Variants in GTF2H5 observed in about 807,000 individuals in gnomAD.
GTF2H5 encodes the protein general transcription factor IIH subunit 5, also known as TFB5 ortholog.
A neutral mutation model predicts 7.1 loss-of-function variants in GTF2H5; 5 were observed. The ratio of observed to expected loss-of-function variants is 0.71; its 90% CI spans 0.37 to 1.49. The LOEUF (loss-of-function observed/expected upper bound fraction) is 1.49. Among genes scored for constraint, GTF2H5 ranks in the 40% most tolerant of loss-of-function variants. The pLI, the probability that GTF2H5 is intolerant of heterozygous loss-of-function variation, is 0.03. For synonymous variants in GTF2H5, 30 were observed against 31.7 expected (o/e 0.95, Z 0.18); for missense variants, 80 against 83.0 (o/e 0.96, Z 0.14).
Position 158,198,953 on chromosome 6 carries a change from G to A in GTF2H5, c.*6796G>A, listed in dbSNP as rs1214116012. 1.3e-5 allele frequency: 2 copies of A among 152,144 alleles called. No individual in the cohort carries two copies. Among genetic ancestry groups the A allele is most frequent in the Admixed American group, 6.5e-5 (1 of 15,282 alleles). The allele number at this position is 152,144 out of a possible 1,614,324, so 9.4% of individuals were successfully genotyped here. A position where few individuals can be genotyped will look rare whatever the true frequency, so the allele number is the denominator to read the frequency against. ...TTGCTTTGGGGAGAATTCTTTTGAC[G>A]TTTTTGAATAAGCTGTTAACAACTT... On this transcript the variant is annotated 3_prime_UTR_variant, in exon 3 of 3. Transcript: ENST00000607778.
At position 158,192,137 on chromosome 6, in the gene GTF2H5, T is replaced by A; in HGVS notation, c.196T>A (p.Phe66Ile). The part of the protein sequence containing the change: ...RVGELMDQNA[F>I]SLTQK ...GGGTGAATTAATGGACCAAAATGCT[T>A]TTTCCCTTACCCAGAAATGAAAATA... is the stretch of plus-strand genomic sequence containing the variant. Residue 66 changes from phenylalanine to isoleucine, a missense_variant, in exon 3 of 3, where the codon TTT becomes ATT. Coordinates refer to ENST00000607778, the MANE Select transcript of GTF2H5 (RefSeq NM_207118.3). 1 of 1,612,960 alleles carries A rather than the reference T, an allele frequency of 6.2e-7. No individual in the cohort carries two copies.
chr6:158,174,103 C>T (rs1317045411), intron 2 of GTF2H5, among the ~76,000 whole-genome samples: 2 of 152,058 alleles, frequency 1.3e-5, no homozygotes, highest in Admixed American at 6.6e-5. Context: ...ACTGTATCCT[C>T]GCTTATCGGT....
chr6:158,185,829 C>CA (rs1436041523), intron 2 of GTF2H5, among the ~76,000 whole-genome samples: 7 of 151,708 alleles, frequency 4.6e-5, no homozygotes, highest in African/African-American at 7.2e-5. Context: ...CCTATCTCTA[C>CA]AAAAAAATAC....
Position 158,175,146 on chromosome 6 carries a change from A to G in GTF2H5, c.35+4608A>G, listed in dbSNP as rs557089515. Among the ~76,000 whole-genome samples, 4 of 152,172 alleles carry G rather than the reference A, an allele frequency of 2.6e-5. No homozygotes were observed. In the East Asian group the frequency reaches 7.7e-4, roughly 29 times the overall value. ...GAATTGAGTCCAGGTTTGTGATCTC[A>G]GCCAAAATCCCAAATTTATTAATGT... On this transcript the variant is annotated intron_variant, in intron 2 of 2. Transcript: ENST00000607778.
chr6:158,189,017 G>A (rs1401766190), intron 2 of GTF2H5, among the ~76,000 whole-genome samples: 1 of 146,656 alleles, frequency 6.8e-6, no homozygotes, highest in Non-Finnish European at 1.5e-5. Context: ...GCAGCAGGAT[G>A]CCCTGTAGCC....
rs1225447959 is a variant in GTF2H5 at position 158,191,522 on chromosome 6, G to A, written c.36-455G>A. On this transcript the variant is annotated intron_variant, in intron 2 of 2. Transcript: ENST00000607778. ...TTTTGAGACAGAGTCTCGCTCTGTCGCCCAGGCTGGAGTGCAGTGGCACGA... is the reference window on the plus strand; with the variant it reads ...TTTTGAGACAGAGTCTCGCTCTGTCACCCAGGCTGGAGTGCAGTGGCACGA... 5.5e-5 allele frequency among the ~76,000 whole-genome samples: 8 copies of A among 145,936 alleles called. No individual in the cohort carries two copies. The East Asian group carries it at 1.4e-3, about 25-fold the overall frequency.
chr6:158,171,774 T>C (rs1785859666), intron 2 of GTF2H5, among the ~76,000 whole-genome samples: 3 of 152,082 alleles, frequency 2.0e-5, no homozygotes, highest in Admixed American at 2.0e-4. Context: ...GGTGAGGGGC[T>C]CAGGTTCTTG....
chr6:158,170,444 T>G, intron 1 of GTF2H5, 26 bp from the exon 2 acceptor site: 1 of 1,350,960 alleles, frequency 7.4e-7, no homozygotes, highest in Admixed American at 1.7e-5. Context: ...ATTTTTAATT[T>G]AATGTTACCT....
At chr6:158,188,279 C>T (rs1454778645) in intron 2 of GTF2H5, among the ~76,000 whole-genome samples, 2 of 152,124 alleles carry the variant, frequency 1.3e-5, no homozygotes, top group Non-Finnish European at 2.9e-5. Flanking sequence ...TGTTGAATTA[C>T]TCTCCTTTTA....
At chr6:158,190,617 C>A in intron 2 of GTF2H5, 1 of 476,670 alleles carries the variant, frequency 2.1e-6, no homozygotes, top group Non-Finnish European at 4.2e-6. Flanking sequence ...TCATACTCAT[C>A]TAGGGATAGA....
rs1343538152 is a variant in GTF2H5, at chr6:158,198,328, T to C, written c.*6171T>C. ...GAAACCATTTTTATCTTTGCCTTCA[T>C]TCTTGAATGATAATTAGTCTCGAAT... On this transcript the variant is annotated 3_prime_UTR_variant, in exon 3 of 3. Coordinates refer to ENST00000607778, the MANE Select transcript of GTF2H5 (RefSeq NM_207118.3). 6.6e-6 allele frequency: 1 copy of C among 152,248 alleles called. No homozygotes were observed. Among genetic ancestry groups the C allele is most frequent in the East Asian group, 1.9e-4 (1 of 5,208 alleles). The allele number at this position is 152,248 out of a possible 1,614,324, so 9.4% of individuals were successfully genotyped here. A position where few individuals can be genotyped will look rare whatever the true frequency, so the allele number is the denominator to read the frequency against.
At chr6:158,185,930 G>A (rs1485183023) in intron 2 of GTF2H5, among the ~76,000 whole-genome samples, 2 of 152,240 alleles carry the variant, frequency 1.3e-5, no homozygotes, top group East Asian at 1.9e-4. Flanking sequence ...GGAGGTCAAG[G>A]CTGCAGTGAG....
chr6:158,188,737 TA>T, intron 2 of GTF2H5, among the ~76,000 whole-genome samples: 1 of 152,328 alleles, frequency 6.6e-6, no homozygotes, highest in East Asian at 1.9e-4. Flanking sequence ...GCTCTGTTTG[TA>T]AAATACCCCA....
chr6:158,192,206 G>GC lies in GTF2H5; in HGVS notation c.*49_*50insC. 7.1e-7 allele frequency: 1 copy of GC among 1,416,734 alleles called. No individual in the cohort carries two copies. Among genetic ancestry groups the GC allele is most frequent in the African/African-American group, 1.4e-5 (1 of 71,094 alleles). The allele number at this position is 1,416,734 out of a possible 1,614,324, so 87.8% of individuals were successfully genotyped here. On this transcript the variant is annotated 3_prime_UTR_variant, in exon 3 of 3. Coordinates refer to ENST00000607778, the MANE Select transcript of GTF2H5 (RefSeq NM_207118.3). Reference sequence around the variant, plus strand: ...GGAATTATAAGCAGCAACTGTGAAAGACTTGCCACTCAATATCTTAGGTGA... The same window carrying GC: ...GGAATTATAAGCAGCAACTGTGAAAGCACTTGCCACTCAATATCTTAGGTGA...
chr6:158,190,591 A>G (rs764631292), intron 2 of GTF2H5: 2 of 431,966 alleles, frequency 4.6e-6, no homozygotes, highest in East Asian at 1.2e-4. Flanking sequence ...AAAGTCCCCC[A>G]AATCAGTTCT....
chr6:158,169,417 T>A (rs868436774), intron 1 of GTF2H5, among the ~76,000 whole-genome samples: 70 of 91,272 alleles, frequency 7.7e-4, no homozygotes, highest in African/African-American at 3.0e-3. Context: ...TATTATATAT[T>A]ATATATAATA....
At chr6:158,182,193 A>C (rs1045448618) in intron 2 of GTF2H5, among the ~76,000 whole-genome samples, 15 of 152,222 alleles carry the variant, frequency 9.9e-5, no homozygotes, top group African/African-American at 3.4e-4. Flanking sequence ...AAGAATATTG[A>C]ATATTGGCCC....
intron 2 of GTF2H5, among the ~76,000 whole-genome samples, chr6:158,188,132 C>T (rs990293354): frequency 6.6e-6 from 1 of 152,162 alleles, no homozygotes; most frequent in African/African-American, 2.4e-5. Context: ...TATTGAAGTA[C>T]TTGTGGGGCC....
chr6:158,177,427 G>C (rs192721603), intron 2 of GTF2H5, among the ~76,000 whole-genome samples: 75 of 152,296 alleles, frequency 4.9e-4, no homozygotes, highest in African/African-American at 1.7e-3. Flanking sequence ...AGACAGTACA[G>C]TAGTAAGAAC....
Sources: gnomAD v4.1 joint callset for allele counts (sites outside exome capture counted in the v4.1 genomes callset) on GRCh38, gnomAD v4.1.1 for gene constraint, MANE v1.5 for transcripts, NCBI Gene and HGNC (gene_info 2026-07-23, HGNC 2026-07-21) for gene names.